The following ANO2 variants were observed in gnomAD, a reference collection of about 807,000 sequenced individuals.
ANO2 encodes the protein anoctamin-2.
Under a neutral mutation model 124.2 loss-of-function variants are expected in ANO2, and 101 were observed. That is an observed-to-expected ratio of 0.81 (90% CI 0.69 to 0.96). The LOEUF is 0.96. ANO2 is among the 40% of genes least tolerant of loss of function. The pLI is 0.00. For synonymous variants in ANO2, 486 were observed against 482.5 expected (o/e 1.01, Z -0.09); for missense variants, 1,293 against 1,274.5 (o/e 1.01, Z -0.22).
intron 7 of ANO2, among the ~76,000 whole-genome samples, chr12:5,825,949 A>C (rs184633361): frequency 4.6e-5 from 7 of 152,240 alleles, no homozygotes; most frequent in African/African-American, 1.4e-4. Context: ...GAAGGTAGTC[A>C]TCAACACCAG....
chr12:5,663,076 C>T (rs1354020852), intron 14 of ANO2, among the ~76,000 whole-genome samples: 1 of 152,206 alleles, frequency 6.6e-6, no homozygotes, highest in East Asian at 1.9e-4. Flanking sequence ...AGAAGGATTC[C>T]TCCTTCCTGC....
Position 5,904,926 on chromosome 12 carries a change from T to C in ANO2, c.534+16114A>G, listed in dbSNP as rs1470927643. 6.6e-6 allele frequency among the ~76,000 whole-genome samples: 1 copy of C among 152,096 alleles called. No individual in the cohort carries two copies. The highest frequency in any genetic ancestry group is 1.9e-4 in the East Asian group (1 of 5,194). On this transcript the variant is annotated intron_variant, in intron 3 of 24. Transcript: ENST00000682330. The surrounding 1 kb of genome is among the most constrained non-coding windows in gnomAD (Gnocchi z 4.1). ...AGAACAAAGGGAACAGGGAACAAAA[T>C]GATAAGAAGAGGATACTCTCAAGTT...
Position 5,615,239 on chromosome 12 carries a change from G to A in ANO2, c.1875C>T (p.Leu625=), listed in dbSNP as rs1944741945. Residue 625 remains leucine (L), a synonymous_variant, in exon 17 of 25, where the codon CTC becomes CTT. Coordinates refer to ENST00000682330, the MANE Select transcript of ANO2 (RefSeq NM_001364791.2). ...EERLILKAFL[L]KFVNAYSPIF... is the part of the protein sequence containing the mutation. ...TGGGGGAGTAGGCATTGACAAACTT[G>A]AGCAAGAAAGCTTTGAGGATCAGGC... 1 of 1,613,656 alleles carries A rather than the reference G, an allele frequency of 6.2e-7. No homozygotes were observed. Among genetic ancestry groups the A allele is most frequent in the Non-Finnish European group, 8.5e-7 (1 of 1,179,800 alleles).
At chr12:5,884,909 CCCA>C (rs140600192) in intron 3 of ANO2, among the ~76,000 whole-genome samples, 23,565 of 152,128 alleles carry the variant, frequency 0.15, 2,284 homozygotes, top group East Asian at 0.27. Flanking sequence ...CCCCTGCCCA[CCCA>C]CCACCATCAG....
intron 3 of ANO2, among the ~76,000 whole-genome samples, chr12:5,920,661 C>A (rs149456417): frequency 6.6e-6 from 1 of 152,116 alleles, no homozygotes; most frequent in South Asian, 2.1e-4. Context: ...GTCGGGAGAT[C>A]GAGACCATCC....
At chr12:5,946,051 T>C, upstream of ANO2, 1 of 1,434,712 alleles carries the variant, frequency 7.0e-7, no homozygotes, top group South Asian at 1.2e-5. The surrounding 1 kb of genome is among the most constrained non-coding windows in gnomAD (Gnocchi z 4.1). Context: ...AATCTGCAAC[T>C]CCAAGATGCA....
intron 13 of ANO2, among the ~76,000 whole-genome samples, chr12:5,735,097 T>A (rs1361196695): frequency 6.6e-6 from 1 of 151,684 alleles, no homozygotes; most frequent in Non-Finnish European, 1.5e-5. Context: ...TGGGGTGAGG[T>A]TATGGAATCC....
intron 3 of ANO2, among the ~76,000 whole-genome samples, chr12:5,893,369 A>C (rs1274521012): frequency 6.6e-6 from 1 of 152,166 alleles, no homozygotes; most frequent in African/African-American, 2.4e-5. Context: ...TCCAGAATCT[A>C]GAAGGAACTC....
In ANO2 at chr12:5,921,296, T is replaced by C. The variant is rs1400966986; in HGVS notation, c.278A>G (p.His93Arg). 6.2e-7 allele frequency: 1 copy of C among 1,613,896 alleles called. No homozygotes were observed. The highest frequency in any genetic ancestry group is 1.7e-5 in the Admixed American group (1 of 60,008). ...ATAGTCGACCTTCCTCTGACTGTCA[T>C]GGAAGTGCATGCGGCTAAGACGGGC... is the stretch of plus-strand genomic sequence containing the variant. ...LEARLSRMHF[H>R]DSQRKVDYVL... The change falls in exon 3 of 25, where the codon CAT becomes CGT. Residue 93 changes from histidine to arginine, a missense_variant. Coordinates refer to ENST00000682330, the MANE Select transcript of ANO2 (RefSeq NM_001364791.2).
Position 5,565,669 on chromosome 12 carries a change from C to G in ANO2, c.2622-6G>C, listed in dbSNP as rs768268547. 1.3e-6 allele frequency: 2 copies of G among 1,581,042 alleles called. No individual in the cohort carries two copies. The highest frequency in any genetic ancestry group is 1.3e-5 in the African/African-American group (1 of 74,116). On this transcript the variant is annotated splice_polypyrimidine_tract_variant and splice_region_variant and intron_variant, in intron 23 of 24. Coordinates refer to ENST00000682330, the MANE Select transcript of ANO2 (RefSeq NM_001364791.2). ...GCTCTCGGTAATCCTTAAACCTGCCCAAAGAGAAATGTGGTGTTAAGATCA... is the reference window on the plus strand; with the variant it reads ...GCTCTCGGTAATCCTTAAACCTGCCGAAAGAGAAATGTGGTGTTAAGATCA...
intron 10 of ANO2, among the ~76,000 whole-genome samples, chr12:5,772,726 T>C (rs1485207201): frequency 6.6e-6 from 1 of 152,238 alleles, no homozygotes; most frequent in East Asian, 1.9e-4. Flanking sequence ...TTATGTATAG[T>C]GAATATTATA....
intron 11 of ANO2, 83 bp downstream of exon 11, chr12:5,750,753 C>T: frequency 2.9e-6 from 4 of 1,387,592 alleles, no homozygotes; most frequent in Non-Finnish European, 3.9e-6. Flanking sequence ...TGGAAAGAGG[C>T]ATGTGAAATG....
At chr12:5,919,375 G>A (rs1456772703) in intron 3 of ANO2, among the ~76,000 whole-genome samples, 5 of 146,356 alleles carry the variant, frequency 3.4e-5, no homozygotes, top group African/African-American at 1.2e-4. Context: ...TGAGGTCAAG[G>A]TGCCCAAAGC....
chr12:5,860,264 G>C (rs144386089), intron 3 of ANO2, among the ~76,000 whole-genome samples: 10 of 152,196 alleles, frequency 6.6e-5, no homozygotes, highest in East Asian at 1.9e-4. Flanking sequence ...GATTATGCCT[G>C]GTCCCTTCCT....
At chr12:5,856,837 C>A (rs765298300) in intron 3 of ANO2, among the ~76,000 whole-genome samples, 4 of 152,202 alleles carry the variant, frequency 2.6e-5, no homozygotes, top group Non-Finnish European at 5.9e-5. Flanking sequence ...CCTAATCTTA[C>A]ACTAACGAAT....
chr12:5,876,305 C>G (rs6489666), intron 3 of ANO2, among the ~76,000 whole-genome samples: 70,735 of 152,020 alleles, frequency 0.47, 16,706 homozygotes, highest in South Asian at 0.59. Flanking sequence ...TAAAATAGTG[C>G]TCTTAGAACC....
chr12:5,690,946 A>G (rs1347331185), intron 14 of ANO2, among the ~76,000 whole-genome samples: 1 of 152,238 alleles, frequency 6.6e-6, no homozygotes, highest in Non-Finnish European at 1.5e-5. Flanking sequence ...GCACTGACAC[A>G]TATAGGGAGC....
chr12:5,851,639 C>T (rs372408718), intron 4 of ANO2, among the ~76,000 whole-genome samples: 44 of 144,434 alleles, frequency 3.0e-4, no homozygotes, highest in African/African-American at 8.3e-4. Context: ...GAGCCGAGAT[C>T]ACACCACTGC....
chr12:5,724,337 C>T (rs1950348923), intron 14 of ANO2, among the ~76,000 whole-genome samples: 1 of 152,070 alleles, frequency 6.6e-6, no homozygotes, highest in Admixed American at 6.5e-5. Flanking sequence ...TCATTTAGTG[C>T]CTCAAAAGAG....
Sources: gnomAD v4.1 joint callset for allele counts (sites outside exome capture counted in the v4.1 genomes callset) on GRCh38, gnomAD v4.1.1 for gene constraint, Gnocchi (gnomAD v3.1) non-coding constraint, MANE v1.5 for transcripts, NCBI Gene and HGNC (gene_info 2026-07-23, HGNC 2026-07-21) for gene names.